Variants in ARSG observed in about 807,000 individuals in gnomAD.
The protein encoded by ARSG is arylsulfatase G, also known as ASG.
Under a neutral mutation model 50.5 loss-of-function variants are expected in ARSG, and 37 were observed. The ratio of observed to expected loss-of-function variants is 0.73; its 90% CI spans 0.56 to 0.96. The LOEUF (loss-of-function observed/expected upper bound fraction) is 0.96. Ranked by LOEUF, ARSG falls within the 50% of genes least tolerant of loss-of-function variation. The probability of loss-of-function intolerance (pLI) is 0.00; values close to 1 mark genes in which losing one functional copy is unlikely to be tolerated. For missense variants in ARSG, 629 were observed against 675.3 expected (o/e 0.93, Z 0.76); for synonymous variants, 225 against 254.6 (o/e 0.88, Z 1.11).
rs191577903 is a variant in ARSG at position 68,307,296 on chromosome 17, G to A, written c.-198G>A. 336 of 544,894 alleles carry A rather than the reference G, an allele frequency of 6.2e-4. No individual in the cohort carries two copies. Among genetic ancestry groups the A allele is most frequent in the African/African-American group, 5.7e-3 (302 of 52,666 alleles). 33.8% of individuals were successfully genotyped at this position (544,894 alleles called of 1,614,324 possible). On this transcript the variant is annotated 5_prime_UTR_variant, in exon 2 of 12. Coordinates refer to ENST00000621439, the MANE Select transcript of ARSG (RefSeq NM_001267727.2). The stretch of plus-strand genomic sequence containing the variant: ...CTTTTGAATTAGGATTCCAGATGGG[G>A]GCCTCATTTCTACAGCCCCCAACAT...
chr17:68,356,864 C>T lies in ARSG; in HGVS notation c.704+60C>T, dbSNP rs567869241. On this transcript the variant is annotated intron_variant, in intron 6 of 11. Transcript: ENST00000621439. ...CTGCCTCCACCTACCCGTGCACACACACCATGTCCCTTGGCCTCAGCACGC... is the reference window on the plus strand; with the variant it reads ...CTGCCTCCACCTACCCGTGCACACATACCATGTCCCTTGGCCTCAGCACGC... The T allele has an allele frequency of 5.6e-6, 9 of 1,605,872 alleles. No individual in the cohort carries two copies. The African/African-American group carries it at 9.3e-5, about 17-fold the overall frequency.
chr17:68,321,474 G>T (rs544128550), intron 2 of ARSG, among the ~76,000 whole-genome samples: 1 of 152,116 alleles, frequency 6.6e-6, no homozygotes, highest in Non-Finnish European at 1.5e-5. Context: ...CACAAAGGCC[G>T]CAGCAAAAGA....
intron 6 of ARSG, among the ~76,000 whole-genome samples, chr17:68,363,117 G>A (rs560658577): frequency 9.2e-5 from 14 of 152,248 alleles, no homozygotes; most frequent in Admixed American, 2.0e-4. Context: ...TATTAATACC[G>A]CAAGAAGCAG....
intron 11 of ARSG, among the ~76,000 whole-genome samples, chr17:68,411,627 A>T (rs1425696947): frequency 6.8e-6 from 1 of 147,922 alleles, no homozygotes; most frequent in Non-Finnish European, 1.5e-5. Context: ...AGTTCTGTAG[A>T]TGTCTGTTAG....
At chr17:68,272,756 A>G in intron 1 of ARSG, 4 of 1,614,048 alleles carry the variant, frequency 2.5e-6, no homozygotes, top group Non-Finnish European at 3.4e-6. Context: ...AAACTAAAGC[A>G]GTATCCCAGA....
At chr17:68,415,619 A>T (rs141326261) in intron 11 of ARSG, among the ~76,000 whole-genome samples, 5,689 of 152,192 alleles carry the variant, frequency 0.037, 363 homozygotes, top group African/African-American at 0.13. Context: ...TCAGTGGAGT[A>T]TTGAAGTCCC....
intron 2 of ARSG, among the ~76,000 whole-genome samples, chr17:68,311,596 G>A: frequency 6.6e-6 from 1 of 152,072 alleles, no homozygotes; most frequent in Non-Finnish European, 1.5e-5. Context: ...AAGAGGAGAA[G>A]ACACAGGGAC....
chr17:68,442,366 G>A, the ARSG span, among the ~76,000 whole-genome samples: 1 of 151,402 alleles, frequency 6.6e-6, no homozygotes, highest in East Asian at 1.9e-4. Context: ...TCAGGAGGCT[G>A]AGGAATGAGA....
chr17:68,356,855 G>A (rs1433006240), intron 6 of ARSG, 51 bp downstream of exon 6: 8 of 1,610,804 alleles, frequency 5.0e-6, no homozygotes, highest in Admixed American at 1.7e-5. Context: ...CCACCTACCC[G>A]TGCACACACA....
chr17:68,296,377 G>C (rs1272297772), intron 1 of ARSG, among the ~76,000 whole-genome samples: 1 of 152,144 alleles, frequency 6.6e-6, no homozygotes, highest in Non-Finnish European at 1.5e-5. Context: ...GTCTAAACAG[G>C]TACCTCCTGT....
the ARSG span, among the ~76,000 whole-genome samples, chr17:68,443,828 G>A: frequency 2.0e-5 from 3 of 152,328 alleles, no homozygotes; most frequent in Non-Finnish European, 4.4e-5. Flanking sequence ...AGTTGTTCCA[G>A]TGTGCTGACT....
chr17:68,320,198 C>A (rs569608362), intron 2 of ARSG, among the ~76,000 whole-genome samples: 1 of 151,216 alleles, frequency 6.6e-6, no homozygotes, highest in East Asian at 1.9e-4. Flanking sequence ...CTGAGACAGG[C>A]GAATCGCTTA....
At chr17:68,337,490 T>C (rs2078074603) in intron 2 of ARSG, among the ~76,000 whole-genome samples, 1 of 152,056 alleles carries the variant, frequency 6.6e-6, no homozygotes, top group Non-Finnish European at 1.5e-5. Context: ...CAAAGGAGGA[T>C]GAAGACAGGT....
chr17:68,356,816 C>T lies in ARSG; in HGVS notation c.704+12C>T. The T allele has an allele frequency of 6.2e-7, 1 of 1,614,104 alleles. No individual in the cohort carries two copies. Among genetic ancestry groups the T allele is most frequent in the African/African-American group, 1.3e-5 (1 of 75,056 alleles). On this transcript the variant is annotated intron_variant, in intron 6 of 11. Coordinates refer to ENST00000621439, the MANE Select transcript of ARSG (RefSeq NM_001267727.2). ...ATCCAGCGTGCAAGGTGAGGAGTCTCCCTCCCTCCGCAGGGCCTCCCCCTG... is the reference window on the plus strand; with the variant it reads ...ATCCAGCGTGCAAGGTGAGGAGTCTTCCTCCCTCCGCAGGGCCTCCCCCTG...
At chr17:68,385,657 T>C (rs776063229) in intron 9 of ARSG, among the ~76,000 whole-genome samples, 1 of 151,818 alleles carries the variant, frequency 6.6e-6, no homozygotes, top group Non-Finnish European at 1.5e-5. Flanking sequence ...AAGGGATTGG[T>C]TGGTTTCACA....
At chr17:68,297,019 T>C (rs2076232797) in intron 1 of ARSG, among the ~76,000 whole-genome samples, 1 of 152,196 alleles carries the variant, frequency 6.6e-6, no homozygotes, top group Admixed American at 6.5e-5. Flanking sequence ...ATTGACTGAA[T>C]ACCTTCTGGG....
chr17:68,423,397 G>C (rs114625178), downstream of ARSG, among the ~76,000 whole-genome samples: 791 of 152,262 alleles, frequency 5.2e-3, 7 homozygotes, highest in African/African-American at 0.018. The surrounding 1 kb of genome is among the most constrained non-coding windows in gnomAD (Gnocchi z 4.4). Flanking sequence ...GTGCCTTAGT[G>C]GGAGCACTGC....
At chr17:68,365,307 G>A (rs758369433) in intron 6 of ARSG, among the ~76,000 whole-genome samples, 20 of 152,176 alleles carry the variant, frequency 1.3e-4, no homozygotes, top group South Asian at 1.0e-3. Context: ...GCGAGACTCC[G>A]TCTCAGAAAC....
intron 4 of ARSG, among the ~76,000 whole-genome samples, chr17:68,350,489 TA>T (rs1044020564): frequency 7.9e-5 from 12 of 152,280 alleles, no homozygotes; most frequent in Admixed American, 6.5e-4. Context: ...AGCCTTTGAT[TA>T]AAAGCTTGGG....
Sources: allele counts gnomAD v4.1 joint callset (sites outside exome capture counted in the v4.1 genomes callset), GRCh38; gene constraint gnomAD v4.1.1; non-coding constraint Gnocchi (gnomAD v3.1); transcripts MANE v1.5; gene names NCBI Gene and HGNC (gene_info 2026-07-23, HGNC 2026-07-21).